BDNF: variants seen among roughly 807,000 people sequenced by gnomAD.
BDNF encodes neurotrophic factor BDNF precursor form.
BDNF carries 1 observed loss-of-function variant against 19.5 expected under a neutral mutation model. The ratio of observed to expected loss-of-function variants is 0.05; its 90% CI spans 0.02 to 0.24. The LOEUF (loss-of-function observed/expected upper bound fraction) is 0.24. Among genes scored for constraint, BDNF ranks in the 10% least tolerant of loss-of-function variants. The pLI, the probability that BDNF is intolerant of heterozygous loss-of-function variation, is 1.00. For synonymous variants in BDNF, 100 were observed against 121.6 expected, an observed-to-expected ratio of 0.82 and a Z score of 1.17; for missense variants, 195 against 317.6, an observed-to-expected ratio of 0.61 and a Z score of 2.93.
intron 1 of BDNF, among the ~76,000 whole-genome samples, chr11:27,720,086 C>G (rs932561992): frequency 1.3e-5 from 2 of 152,130 alleles, no homozygotes; most frequent in Non-Finnish European, 1.5e-5. Context: ...AGAGATAAAT[C>G]TTACATTTGA....
In BDNF at chr11:27,658,896, T is replaced by C. The variant is rs1477987152; in HGVS notation, c.-21-311A>G. On this transcript the variant is annotated intron_variant, in intron 1 of 1. Transcript: ENST00000356660. The surrounding 1 kb of genome is among the most constrained non-coding windows in gnomAD (Gnocchi z 5.7). ...CCTTCTTCCCACTTTAGCAGCTTTGTAAGTTTAATTTTTAATGATCTCTGC... is the reference window on the plus strand; with the variant it reads ...CCTTCTTCCCACTTTAGCAGCTTTGCAAGTTTAATTTTTAATGATCTCTGC... The C allele has an allele frequency of 2.4e-6, 3 of 1,235,622 alleles. No individual in the cohort carries two copies. Among genetic ancestry groups the C allele is most frequent in the South Asian group, 2.0e-5 (1 of 49,764 alleles). The allele number at this position is 1,235,622 out of a possible 1,614,324, so 76.5% of individuals were successfully genotyped here. A position where few individuals can be genotyped will look rare whatever the true frequency, so the allele number is the denominator to read the frequency against.
intron 1 of BDNF, among the ~76,000 whole-genome samples, chr11:27,659,922 G>C (rs1380364508): frequency 6.6e-6 from 1 of 152,198 alleles, no homozygotes; most frequent in Non-Finnish European, 1.5e-5. Context: ...ACCAACCCAA[G>C]GTTACCGTCA....
At chr11:27,659,794 T>G (rs1853165666) in intron 1 of BDNF, 1 of 589,188 alleles carries the variant, frequency 1.7e-6, no homozygotes, top group Admixed American at 6.3e-5. Context: ...ACCACAAAAT[T>G]AATCTCTTCC....
Position 27,656,963 on chromosome 11 carries a change from G to C in BDNF, c.*858C>G, listed in dbSNP as rs1033489882. The C allele has an allele frequency of 1.0e-6, 1 of 985,252 alleles. No homozygotes were observed. The highest frequency in any genetic ancestry group is 1.7e-5 in the African/African-American group (1 of 57,284). The allele number at this position is 985,252 out of a possible 1,614,324, so 61.0% of individuals were successfully genotyped here. ...AAGAGGAGACCAGAGGGGGAGGGGG[G>C]GAAAGAATGTGTTCTGAGCAAACAT... On this transcript the variant is annotated 3_prime_UTR_variant, in exon 2 of 2. Transcript: ENST00000356660.
intron 1 of BDNF, among the ~76,000 whole-genome samples, chr11:27,699,112 T>C (rs772110482): frequency 3.0e-5 from 4 of 131,258 alleles, no homozygotes; most frequent in Non-Finnish European, 4.7e-5. Context: ...CCCCAGTAGC[T>C]GCTCTTGGCA....
intron 1 of BDNF, chr11:27,699,733 C>T (rs1337319729): frequency 7.4e-6 from 10 of 1,348,470 alleles, no homozygotes; most frequent in Non-Finnish European, 9.6e-6. Context: ...CGCAAGTCGG[C>T]GCGGGGACCA....
At chr11:27,681,702 A>G (rs969204764) in intron 1 of BDNF, among the ~76,000 whole-genome samples, 2 of 152,174 alleles carry the variant, frequency 1.3e-5, no homozygotes, top group African/African-American at 2.4e-5. Context: ...TAAACTTTTT[A>G]TTGTCTTAAT....
chr11:27,712,069 C>CT (rs1376858836), intron 1 of BDNF, among the ~76,000 whole-genome samples: 3 of 152,208 alleles, frequency 2.0e-5, no homozygotes, highest in Non-Finnish European at 4.4e-5. Flanking sequence ...CCTTTCCCCA[C>CT]TTGACAGCTT....
At chr11:27,718,818 C>T (rs1055841150) in intron 1 of BDNF, among the ~76,000 whole-genome samples, 15 of 152,158 alleles carry the variant, frequency 9.9e-5, no homozygotes, top group Middle Eastern at 3.4e-3. Flanking sequence ...TTCTTTCGTT[C>T]GTTAAAACAG....
intron 1 of BDNF, among the ~76,000 whole-genome samples, chr11:27,719,323 G>C (rs1860656321): frequency 6.6e-6 from 1 of 152,218 alleles, no homozygotes; most frequent in Admixed American, 6.5e-5. Context: ...CTGGCAGGGC[G>C]GTCTGCGCGT....
chr11:27,661,765 G>A (rs951518381), intron 1 of BDNF, among the ~76,000 whole-genome samples: 3 of 152,054 alleles, frequency 2.0e-5, no homozygotes, highest in Non-Finnish European at 2.9e-5. Context: ...CTTCTGCTCC[G>A]ATCAGGACAG....
intron 1 of BDNF, among the ~76,000 whole-genome samples, chr11:27,671,296 T>G (rs1161981738): frequency 6.8e-6 from 1 of 147,664 alleles, no homozygotes; most frequent in Non-Finnish European, 1.5e-5. Context: ...CCCTAGAACT[T>G]AAAGTATAAT....
At chr11:27,697,164 C>CACAGAGAGAGAGAGAGAG (rs1182832997) in intron 1 of BDNF, among the ~76,000 whole-genome samples, 1 of 133,086 alleles carries the variant, frequency 7.5e-6, no homozygotes, top group South Asian at 3.0e-4. Flanking sequence ...CACACACACA[C>CACAGAGAGAGAGAGAGAG]AGAGAGAGAG....
chr11:27,667,900 C>T (rs921023470), intron 1 of BDNF, among the ~76,000 whole-genome samples: 2 of 152,194 alleles, frequency 1.3e-5, no homozygotes, highest in African/African-American at 4.8e-5. Flanking sequence ...TTGAACTCAG[C>T]TCTGCACCAA....
At chr11:27,666,376 G>A (rs1216554751) in intron 1 of BDNF, among the ~76,000 whole-genome samples, 1 of 152,208 alleles carries the variant, frequency 6.6e-6, no homozygotes, top group African/African-American at 2.4e-5. Context: ...TCCTCCAAAG[G>A]AATGCAGCTC....
At chr11:27,673,047 G>A (rs1444862631) in intron 1 of BDNF, among the ~76,000 whole-genome samples, 1 of 152,142 alleles carries the variant, frequency 6.6e-6, no homozygotes, top group Non-Finnish European at 1.5e-5. Flanking sequence ...AGATGACACA[G>A]AACCCTATTT....
intron 1 of BDNF, among the ~76,000 whole-genome samples, chr11:27,693,944 T>C (rs1590416374): frequency 6.6e-6 from 1 of 152,136 alleles, no homozygotes; most frequent in Non-Finnish European, 1.5e-5. Context: ...TATATGTGCA[T>C]ACACACACAC....
chr11:27,659,373 T>C (rs916426048), intron 1 of BDNF: 30 of 1,000,366 alleles, frequency 3.0e-5, no homozygotes, highest in Non-Finnish European at 3.6e-5. Flanking sequence ...TAAACAGAAA[T>C]CATTTTTTGA....
Position 27,657,741 on chromosome 11 carries a change from GAAT to G in BDNF, c.*77_*79del, listed in dbSNP as rs989554149. 6.4e-5 allele frequency: 101 copies of G among 1,572,888 alleles called. No individual in the cohort carries two copies. Among genetic ancestry groups the G allele is most frequent in the Non-Finnish European group, 8.3e-5 (97 of 1,162,174 alleles). ...TCATAAAATTATTTTTTTCTTAACTGAATAATTTACCCTGTTATGTATATATAC... is the reference window on the plus strand; with the variant it reads ...TCATAAAATTATTTTTTTCTTAACTGAATTTACCCTGTTATGTATATATAC... On this transcript the variant is annotated 3_prime_UTR_variant, in exon 2 of 2. Coordinates refer to ENST00000356660, the MANE Select transcript of BDNF (RefSeq NM_001709.5). The surrounding 1 kb of genome is among the most constrained non-coding windows in gnomAD (Gnocchi z 5.0).
Sources: allele counts gnomAD v4.1 joint callset (sites outside exome capture counted in the v4.1 genomes callset), GRCh38; gene constraint gnomAD v4.1.1; non-coding constraint Gnocchi (gnomAD v3.1); transcripts MANE v1.5; gene names NCBI Gene and HGNC (gene_info 2026-07-23, HGNC 2026-07-21).